Variants in ZMIZ1 observed in about 807,000 individuals in gnomAD.
The protein encoded by ZMIZ1 is zinc finger MIZ-type containing 1.
In ZMIZ1, 17 loss-of-function variants were observed where a neutral mutation model predicts 113.9. That is an observed-to-expected ratio of 0.15 (90% confidence interval 0.10 to 0.22). The LOEUF (loss-of-function observed/expected upper bound fraction) is 0.22, where lower values mean the gene tolerates loss of function less well. ZMIZ1 is among the 10% of genes least tolerant of loss of function. ZMIZ1 has a pLI of 1.00. For synonymous variants in ZMIZ1, 607 were observed against 603.1 expected, an observed-to-expected ratio of 1.01 and a Z score of -0.09; for missense variants, 1,059 against 1,477.8, an observed-to-expected ratio of 0.72 and a Z score of 4.65.
intron 1 of ZMIZ1, among the ~76,000 whole-genome samples, chr10:79,112,513 G>A (rs1628089): frequency 0.27 from 40,552 of 152,052 alleles, 6,653 homozygotes; most frequent in Non-Finnish European, 0.38. Context: ...TGGACACGCC[G>A]CCTGGAAACC....
chr10:79,137,271 T>C (rs1028128239), intron 2 of ZMIZ1, among the ~76,000 whole-genome samples: 1 of 152,220 alleles, frequency 6.6e-6, no homozygotes, highest in Non-Finnish European at 1.5e-5. Flanking sequence ...AGCGGTGTTA[T>C]GTGCAGGCTG....
intron 7 of ZMIZ1, among the ~76,000 whole-genome samples, chr10:79,242,236 C>G (rs1440999712): frequency 6.6e-6 from 1 of 152,082 alleles, no homozygotes; most frequent in Non-Finnish European, 1.5e-5. Context: ...AAGGAAGAGG[C>G]CTCGGCCACC....
At chr10:79,305,308 C>T (rs1589609911) in intron 20 of ZMIZ1, 77 bp downstream of exon 20, 2 of 1,519,348 alleles carry the variant, frequency 1.3e-6, no homozygotes, top group East Asian at 2.3e-5. Flanking sequence ...CCTCCCACCT[C>T]CACCTGCCCT....
intron 7 of ZMIZ1, among the ~76,000 whole-genome samples, chr10:79,235,827 G>A (rs907616787): frequency 6.6e-6 from 1 of 152,120 alleles, no homozygotes; most frequent in Admixed American, 6.5e-5. Flanking sequence ...GCAGTTTGCA[G>A]GGCATGCCCT....
intron 3 of ZMIZ1, among the ~76,000 whole-genome samples, chr10:79,156,558 G>A (rs1251825840): frequency 1.3e-5 from 2 of 152,212 alleles, no homozygotes; most frequent in Non-Finnish European, 2.9e-5. Context: ...TGAGGGAGCC[G>A]AGGGGCATGT....
chr10:79,183,354 A>G (rs936744264), intron 4 of ZMIZ1, among the ~76,000 whole-genome samples: 38 of 89,310 alleles, frequency 4.3e-4, no homozygotes, highest in African/African-American at 2.1e-3. Flanking sequence ...AGGCTCGTGC[A>G]CGCGCACACA....
At chr10:79,151,752 G>A (rs575633089) in intron 3 of ZMIZ1, among the ~76,000 whole-genome samples, 1 of 152,210 alleles carries the variant, frequency 6.6e-6, no homozygotes, top group Non-Finnish European at 1.5e-5. Context: ...GGGCCCCACT[G>A]CCTCTCCCTC....
At chr10:79,305,070 C>A in intron 19 of ZMIZ1, 94 bp from the exon 20 acceptor site, 2 of 1,405,732 alleles carry the variant, frequency 1.4e-6, no homozygotes, top group Non-Finnish European at 1.0e-6. Context: ...CTATCTTTCT[C>A]TCTGGTGGGG....
At position 79,306,173 on chromosome 10, in the gene ZMIZ1, A is replaced by C; in HGVS notation, c.2497A>C (p.Ile833Leu). 1 of 1,614,076 alleles carries C rather than the reference A, an allele frequency of 6.2e-7. No individual in the cohort carries two copies. Residue 833 changes from isoleucine to leucine, a missense_variant, in exon 22 of 25, where the codon ATC becomes CTC. Ile to Leu is a conservative substitution (Grantham distance 5, BLOSUM62 2). Around this residue, in one of 6 missense-constraint regions of ZMIZ1, gnomAD observed 217 missense variants for 426.9 expected, o/e 0.51. Coordinates refer to ENST00000334512, the MANE Select transcript of ZMIZ1 (RefSeq NM_020338.4). ...GGTGCCCATCAAGTCGGACTTACAC[A>C]TCAAGGACGACCCTGATGGCATCCC... Reference protein sequence around the residue: ...RPVPIKSDLHIKDDPDGIPSK... With the variant: ...RPVPIKSDLHLKDDPDGIPSK...
chr10:79,316,358 A>G lies in ZMIZ1; in HGVS notation c.*3609A>G, dbSNP rs1324046036. 6.5e-6 allele frequency: 1 copy of G among 152,810 alleles called. No individual in the cohort carries two copies. The highest frequency in any genetic ancestry group is 1.5e-5 in the Non-Finnish European group (1 of 68,058). 9.5% of individuals were successfully genotyped at this position (152,810 alleles called of 1,614,324 possible). A position where few individuals can be genotyped will look rare whatever the true frequency, so the allele number is the denominator to read the frequency against. On this transcript the variant is annotated 3_prime_UTR_variant, in exon 25 of 25. Transcript: ENST00000334512. ...AACCTCTAATATTTATCTAATAAAT[A>G]TGTATTCAGATGAAACCTGTATATT... is the stretch of plus-strand genomic sequence containing the variant.
At chr10:79,246,858 G>GAGGGCCGA (rs1288227540) in intron 7 of ZMIZ1, among the ~76,000 whole-genome samples, 1 of 152,240 alleles carries the variant, frequency 6.6e-6, no homozygotes, top group Non-Finnish European at 1.5e-5. Context: ...CCACTGGCCG[G>GAGGGCCGA]AGGGCCGAAG....
intron 11 of ZMIZ1, among the ~76,000 whole-genome samples, chr10:79,293,119 G>C (rs1853620849): frequency 1.3e-5 from 2 of 151,872 alleles, no homozygotes; most frequent in Admixed American, 6.6e-5. Flanking sequence ...CTGTGCATCG[G>C]AGTGACCACC....
intron 3 of ZMIZ1, among the ~76,000 whole-genome samples, chr10:79,154,255 G>T (rs961153614): frequency 6.6e-6 from 1 of 152,112 alleles, no homozygotes; most frequent in Non-Finnish European, 1.5e-5. Context: ...CCCCTTCTCT[G>T]TAGGGTGGCA....
chr10:79,206,929 C>T (rs1209415631), intron 5 of ZMIZ1, among the ~76,000 whole-genome samples: 1 of 152,220 alleles, frequency 6.6e-6, no homozygotes, highest in Non-Finnish European at 1.5e-5. Context: ...TACCTTGCCT[C>T]GCATGAACTA....
intron 2 of ZMIZ1, among the ~76,000 whole-genome samples, chr10:79,127,593 TC>T (rs963338073): frequency 3.3e-5 from 5 of 152,066 alleles, no homozygotes; most frequent in Admixed American, 3.3e-4. Flanking sequence ...GGTGGCGTTT[TC>T]CAGAGGGGGA....
At chr10:79,219,287 G>C (rs1460242602) in intron 7 of ZMIZ1, among the ~76,000 whole-genome samples, 1 of 152,210 alleles carries the variant, frequency 6.6e-6, no homozygotes, top group African/African-American at 2.4e-5. Flanking sequence ...TCCACAAAGG[G>C]TCACTGAAAC....
chr10:79,275,200 A>G (rs1248226775), intron 7 of ZMIZ1, among the ~76,000 whole-genome samples: 1 of 152,234 alleles, frequency 6.6e-6, no homozygotes. Flanking sequence ...GCTGTAGCAC[A>G]TGTGTGCTGG....
At chr10:79,101,560 G>T (rs1429625460) in intron 1 of ZMIZ1, among the ~76,000 whole-genome samples, 1 of 152,176 alleles carries the variant, frequency 6.6e-6, no homozygotes, top group Non-Finnish European at 1.5e-5. Context: ...ATGTCTGGTG[G>T]CCTTGGTGTA....
In ZMIZ1 at chr10:79,232,758, C is replaced by A. The variant is rs567605615; in HGVS notation, c.280+16484C>A. Among the ~76,000 whole-genome samples the A allele has an allele frequency of 2.0e-5, 3 of 152,234 alleles. No homozygotes were observed. The South Asian group carries it at 6.2e-4, about 32-fold the overall frequency. ...TGCACATCCTCTCCTTTCAGCTTTA[C>A]GAAAATATTAAGGTGCAGGTGCGGA... On this transcript the variant is annotated intron_variant, in intron 7 of 24. Transcript: ENST00000334512.
Sources: allele counts gnomAD v4.1 joint callset (sites outside exome capture counted in the v4.1 genomes callset), GRCh38; gene constraint gnomAD v4.1.1; regional missense constraint gnomAD v4.1.1; transcripts MANE v1.5; gene names NCBI Gene and HGNC (gene_info 2026-07-23, HGNC 2026-07-21).